Variants in AGBL1 observed in about 807,000 individuals in gnomAD.
The protein encoded by AGBL1 is AGBL carboxypeptidase 1.
In AGBL1, 130 loss-of-function variants were observed where a neutral mutation model predicts 118.9. The observed-to-expected ratio is 1.09, with a 90% confidence interval of 0.95 to 1.26. The LOEUF is 1.26. Among genes scored for constraint, AGBL1 ranks in the 50% most tolerant of loss-of-function variants. The pLI is 0.00. For synonymous variants in AGBL1, 555 were observed against 478.9 expected, an observed-to-expected ratio of 1.16 and a Z score of -2.08; for missense variants, 1,584 against 1,298.1, an observed-to-expected ratio of 1.22 and a Z score of -3.38.
intron 5 of AGBL1, among the ~76,000 whole-genome samples, chr15:86,220,141 A>G (rs1282807668): frequency 6.6e-6 from 1 of 151,828 alleles, no homozygotes; most frequent in Non-Finnish European, 1.5e-5. Flanking sequence ...TTTAGTAGAG[A>G]TGGGGTTTCA....
At chr15:86,410,265 C>T (rs919450628) in intron 18 of AGBL1, among the ~76,000 whole-genome samples, 1 of 152,068 alleles carries the variant, frequency 6.6e-6, no homozygotes, top group African/African-American at 2.4e-5. Context: ...AAAAGCCTGT[C>T]CCTGTGTTAT....
At chr15:86,435,882 AG>A (rs2081994777) in intron 18 of AGBL1, among the ~76,000 whole-genome samples, 1 of 152,226 alleles carries the variant, frequency 6.6e-6, no homozygotes, top group Non-Finnish European at 1.5e-5. Flanking sequence ...TTGTAATTCT[AG>A]TTAATTACCA....
intron 24 of AGBL1, among the ~76,000 whole-genome samples, chr15:87,022,413 A>G (rs2081675082): frequency 6.6e-6 from 1 of 152,128 alleles, no homozygotes; most frequent in Non-Finnish European, 1.5e-5. Context: ...CAAAGAAAAA[A>G]GAGTAAGAAA....
chr15:86,623,522 C>T (rs182958091), intron 21 of AGBL1, among the ~76,000 whole-genome samples: 27 of 152,322 alleles, frequency 1.8e-4, no homozygotes, highest in Admixed American at 5.9e-4. Flanking sequence ...TCTCTTTGTT[C>T]ACTACCCAAA....
intron 19 of AGBL1, among the ~76,000 whole-genome samples, chr15:86,537,957 G>A (rs2083447826): frequency 6.6e-6 from 1 of 152,202 alleles, no homozygotes; most frequent in Non-Finnish European, 1.5e-5. Context: ...CCACATATTA[G>A]ATTGTATGTT....
chr15:86,134,917 T>C (rs905330918), intron 1 of AGBL1, among the ~76,000 whole-genome samples: 8 of 130,234 alleles, frequency 6.1e-5, no homozygotes, highest in African/African-American at 2.2e-4. Flanking sequence ...CAGCCAATGG[T>C]GCCTATTTTT....
At chr15:86,515,743 T>C (rs1367085163) in intron 18 of AGBL1, among the ~76,000 whole-genome samples, 1 of 152,226 alleles carries the variant, frequency 6.6e-6, no homozygotes, top group Non-Finnish European at 1.5e-5. Context: ...CTTGCATGTG[T>C]ATTTGGCAAA....
chr15:86,081,475 TAGG>T (rs1436289455), intron 1 of AGBL1, among the ~76,000 whole-genome samples: 2 of 152,192 alleles, frequency 1.3e-5, no homozygotes, highest in South Asian at 2.1e-4. Context: ...GGCTACATAG[TAGG>T]AGAACTGGGC....
At chr15:86,352,544 C>T (rs566931242) in intron 17 of AGBL1, among the ~76,000 whole-genome samples, 1 of 151,812 alleles carries the variant, frequency 6.6e-6, no homozygotes, top group Non-Finnish European at 1.5e-5. Flanking sequence ...TACATTGGCA[C>T]CATCTCGGCT....
chr15:86,609,806 C>T (rs1596307933), intron 21 of AGBL1, among the ~76,000 whole-genome samples: 1 of 152,272 alleles, frequency 6.6e-6, no homozygotes, highest in East Asian at 1.9e-4. Flanking sequence ...CAAAGCAAAA[C>T]AACCCAGGTA....
chr15:86,591,238 C>T (rs191937081), intron 21 of AGBL1, among the ~76,000 whole-genome samples: 207 of 152,294 alleles, frequency 1.4e-3, no homozygotes, highest in Non-Finnish European at 2.2e-3. Flanking sequence ...ATTCTCTTTC[C>T]CAACACAACA....
At chr15:86,637,329 T>A (rs1037043948) in intron 21 of AGBL1, among the ~76,000 whole-genome samples, 5 of 151,916 alleles carry the variant, frequency 3.3e-5, no homozygotes, top group African/African-American at 1.2e-4. Flanking sequence ...TGAGGAGGAA[T>A]GACCTGGGTG....
At chr15:86,660,557 C>T (rs1429112345) in intron 21 of AGBL1, among the ~76,000 whole-genome samples, 2 of 151,730 alleles carry the variant, frequency 1.3e-5, no homozygotes, top group East Asian at 1.9e-4. Flanking sequence ...CCAATATAGT[C>T]AACACATTTT....
chr15:86,200,336 A>G (rs986924316), intron 5 of AGBL1, among the ~76,000 whole-genome samples: 1 of 152,218 alleles, frequency 6.6e-6, no homozygotes, highest in Admixed American at 6.5e-5. Context: ...GATTTCAACA[A>G]ATTATAAGAA....
rs151188835 is a variant in AGBL1, at chr15:86,250,663, G to T, written c.735+2784G>T. Among the ~76,000 whole-genome samples, 3 of 151,268 alleles carry T rather than the reference G, an allele frequency of 2.0e-5. No individual in the cohort carries two copies. In the East Asian group the frequency reaches 5.9e-4, roughly 30 times the overall value. On this transcript the variant is annotated intron_variant, in intron 7 of 22. Coordinates refer to ENST00000614907, the MANE Select transcript of AGBL1 (RefSeq NM_001386094.1). ...TGGTTTTTGGAAAATGATCATTGCAGGTGAAAGATAGGCTGTCCTGGCTTA... is the reference window on the plus strand; with the variant it reads ...TGGTTTTTGGAAAATGATCATTGCATGTGAAAGATAGGCTGTCCTGGCTTA...
chr15:86,427,668 G>A (rs1052229168), intron 18 of AGBL1, among the ~76,000 whole-genome samples: 6 of 152,048 alleles, frequency 3.9e-5, no homozygotes, highest in Admixed American at 6.5e-5. Context: ...TGGTTTTCCA[G>A]TGTAATTATT....
At chr15:86,356,790 C>G (rs1370880294) in intron 17 of AGBL1, among the ~76,000 whole-genome samples, 1 of 152,166 alleles carries the variant, frequency 6.6e-6, no homozygotes, top group African/African-American at 2.4e-5. Flanking sequence ...GCAATTTGCT[C>G]TGTAGCTCTT....
chr15:86,210,627 G>A (rs2078076384), intron 5 of AGBL1, among the ~76,000 whole-genome samples: 1 of 152,138 alleles, frequency 6.6e-6, no homozygotes, highest in African/African-American at 2.4e-5. Flanking sequence ...GCTTGAGCTT[G>A]TGTCACGTAG....
intron 5 of AGBL1, among the ~76,000 whole-genome samples, chr15:86,220,417 G>A (rs548822970): frequency 6.6e-6 from 1 of 152,254 alleles, no homozygotes; most frequent in African/African-American, 2.4e-5. Flanking sequence ...CTTGCTGCTT[G>A]GCATTTATAG....
Sources: allele counts gnomAD v4.1 joint callset (sites outside exome capture counted in the v4.1 genomes callset), GRCh38; gene constraint gnomAD v4.1.1; transcripts MANE v1.5; gene names NCBI Gene and HGNC (gene_info 2026-07-23, HGNC 2026-07-21).